Variants in PLXNA4 observed in about 807,000 individuals in gnomAD.
The protein encoded by PLXNA4 is plexin-A4.
A neutral mutation model predicts 191.8 loss-of-function variants in PLXNA4; 44 were observed. The observed-to-expected ratio is 0.23, with a 90% confidence interval of 0.18 to 0.29. The LOEUF is 0.29. PLXNA4 is among the 10% of genes least tolerant of loss of function. The probability of loss-of-function intolerance (pLI) is 1.00; values close to 1 mark genes in which losing one functional copy is unlikely to be tolerated. For missense variants in PLXNA4, 1,800 were observed against 2,488.8 expected (o/e 0.72, Z 5.89); for synonymous variants, 1,082 against 1,009.5 (o/e 1.07, Z -1.36).
rs1299225748 is a variant in PLXNA4 at position 132,278,438 on chromosome 7, CTTTA to C, written c.1503+19649_1503+19652del. 3.3e-5 allele frequency among the ~76,000 whole-genome samples: 5 copies of C among 152,292 alleles called. No individual in the cohort carries two copies. In the South Asian group the frequency reaches 6.2e-4, roughly 19 times the overall value. ...AACTATGGGAGGCTTCTGTTCATTT[CTTTA>C]TTTCTTTGTTTTCAAGGCAGAATAA... On this transcript the variant is annotated intron_variant, in intron 4 of 31. Transcript: ENST00000321063.
chr7:132,640,775 GA>G (rs71178048), intron 2 of PLXNA4, among the ~76,000 whole-genome samples: 57,455 of 100,932 alleles, frequency 0.57, 11,212 homozygotes, highest in Admixed American at 0.6. Flanking sequence ...TATGTCTACT[GA>G]AAAAAAAAAA....
At chr7:132,231,372 G>A (rs1305019346) in intron 5 of PLXNA4, among the ~76,000 whole-genome samples, 2 of 152,150 alleles carry the variant, frequency 1.3e-5, no homozygotes, top group Non-Finnish European at 2.9e-5. Flanking sequence ...AACTGTAGCT[G>A]ATGCAGAACC....
At chr7:132,213,441 G>A (rs1425873911) in intron 9 of PLXNA4, among the ~76,000 whole-genome samples, 1 of 152,204 alleles carries the variant, frequency 6.6e-6, no homozygotes, top group Non-Finnish European at 1.5e-5. Flanking sequence ...CCAGCAGGAA[G>A]AGAACAGGGG....
chr7:132,398,373 G>T (rs552300441), intron 3 of PLXNA4, among the ~76,000 whole-genome samples: 1 of 152,318 alleles, frequency 6.6e-6, no homozygotes, highest in African/African-American at 2.4e-5. Context: ...CTCCTGAATA[G>T]CCCATGTCCT....
intron 29 of PLXNA4, among the ~76,000 whole-genome samples, chr7:132,143,942 T>C (rs184603898): frequency 2.0e-5 from 3 of 152,320 alleles, no homozygotes; most frequent in African/African-American, 7.2e-5. Context: ...TCAGCAGGGA[T>C]AGTCTCTTCT....
At chr7:132,321,714 A>G (rs1240919939) in intron 3 of PLXNA4, among the ~76,000 whole-genome samples, 1 of 152,148 alleles carries the variant, frequency 6.6e-6, no homozygotes, top group African/African-American at 2.4e-5. Flanking sequence ...AACATTCAAG[A>G]CAAGGTTTTA....
intron 1 of PLXNA4, among the ~76,000 whole-genome samples, chr7:132,512,324 C>T (rs966242983): frequency 5.9e-5 from 9 of 152,214 alleles, no homozygotes; most frequent in Admixed American, 1.3e-4. Context: ...CTCTAGTCTG[C>T]AAGAGGTGAG....
At chr7:132,385,995 C>T in intron 3 of PLXNA4, among the ~76,000 whole-genome samples, 1 of 152,088 alleles carries the variant, frequency 6.6e-6, no homozygotes, top group East Asian at 1.9e-4. Context: ...AATATCAGCC[C>T]CTTTTCTCTG....
chr7:132,151,369 G>A (rs1388443806), intron 25 of PLXNA4, among the ~76,000 whole-genome samples: 209 of 83,470 alleles, frequency 2.5e-3, no homozygotes, highest in African/African-American at 7.9e-3. Context: ...AGGAGGAGGA[G>A]AAAGGAGGAG....
At chr7:132,374,051 C>G (rs545772714) in intron 3 of PLXNA4, among the ~76,000 whole-genome samples, 1 of 152,318 alleles carries the variant, frequency 6.6e-6, no homozygotes, top group South Asian at 2.1e-4. Flanking sequence ...AGTTGCTGCA[C>G]ATCAGAGAGT....
At chr7:132,523,724 T>C (rs766943870) in intron 1 of PLXNA4, among the ~76,000 whole-genome samples, 3 of 152,048 alleles carry the variant, frequency 2.0e-5, no homozygotes, top group Non-Finnish European at 4.4e-5. Flanking sequence ...CAGGTGACAG[T>C]GTCAGAAAGC....
In PLXNA4 at chr7:132,408,448, CTTTATTTA is replaced by C. The variant is rs55684832; in HGVS notation, c.1371+80836_1371+80843del. 8.0e-5 allele frequency among the ~76,000 whole-genome samples: 12 copies of C among 149,498 alleles called. No homozygotes were observed. The East Asian group carries it at 1.4e-3, about 17-fold the overall frequency. ...TTTTTTAGCTTTGAACACAAAAACACTTTATTTATTTATTTATTTATTTATTTATTTTT... is the reference window on the plus strand; with the variant it reads ...TTTTTTAGCTTTGAACACAAAAACACTTTATTTATTTATTTATTTATTTTT... On this transcript the variant is annotated intron_variant, in intron 3 of 31. Coordinates refer to ENST00000321063, the MANE Select transcript of PLXNA4 (RefSeq NM_020911.2).
intron 4 of PLXNA4, among the ~76,000 whole-genome samples, chr7:132,288,584 C>T (rs1337730529): frequency 6.6e-6 from 1 of 152,222 alleles, no homozygotes; most frequent in Non-Finnish European, 1.5e-5. Flanking sequence ...CTCCCAGGAG[C>T]TATCAGACAT....
intron 29 of PLXNA4, among the ~76,000 whole-genome samples, 200 bp from the exon 30 acceptor site, chr7:132,141,011 A>C (rs1232417904): frequency 1.3e-5 from 2 of 152,174 alleles, no homozygotes; most frequent in African/African-American, 4.8e-5. Flanking sequence ...CAGGAAACTG[A>C]GGACTGGCAA....
At chr7:132,200,224 T>C (rs894612676) in intron 12 of PLXNA4, among the ~76,000 whole-genome samples, 1 of 152,206 alleles carries the variant, frequency 6.6e-6, no homozygotes, top group South Asian at 2.1e-4. Flanking sequence ...GTCTCCTCCC[T>C]GTGATTTTCT....
At chr7:132,424,094 G>C (rs989544223) in intron 3 of PLXNA4, among the ~76,000 whole-genome samples, 3 of 152,096 alleles carry the variant, frequency 2.0e-5, no homozygotes, top group African/African-American at 4.8e-5. Context: ...CACAGAGAAG[G>C]CTGAGACGTT....
intron 14 of PLXNA4, among the ~76,000 whole-genome samples, chr7:132,190,216 T>C (rs6467424): frequency 0.51 from 78,178 of 152,178 alleles, 24,062 homozygotes; most frequent in African/African-American, 0.85. Context: ...TTATACAAAT[T>C]CCATCTTTGC....
intron 3 of PLXNA4, among the ~76,000 whole-genome samples, chr7:132,303,730 T>C (rs1265652507): frequency 2.0e-5 from 3 of 152,210 alleles, no homozygotes; most frequent in Admixed American, 1.3e-4. Context: ...GTCTGTTGAA[T>C]GCCCACTGTT....
At chr7:132,565,926 C>T (rs1363303521) in intron 1 of PLXNA4, among the ~76,000 whole-genome samples, 2 of 152,216 alleles carry the variant, frequency 1.3e-5, no homozygotes, top group African/African-American at 4.8e-5. Flanking sequence ...GCTTGACTTA[C>T]AACTGCTTCA....
Sources: gnomAD v4.1 joint callset for allele counts (sites outside exome capture counted in the v4.1 genomes callset) on GRCh38, gnomAD v4.1.1 for gene constraint, MANE v1.5 for transcripts, NCBI Gene and HGNC (gene_info 2026-07-23, HGNC 2026-07-21) for gene names.